ZNF704: variants seen among roughly 807,000 people sequenced by gnomAD.
The protein encoded by ZNF704 is glucocorticoid induced gene 1.
Under a neutral mutation model 44.7 loss-of-function variants are expected in ZNF704, and 10 were observed. The observed-to-expected ratio is 0.22, with a 90% CI of 0.14 to 0.38. The LOEUF is 0.38. Ranked by LOEUF, ZNF704 falls within the 10% of genes least tolerant of loss-of-function variation. The pLI is 1.00. For synonymous variants in ZNF704, 211 were observed against 207.6 expected (o/e 1.02, Z -0.14); for missense variants, 390 against 545.5 (o/e 0.71, Z 2.84).
chr8:80,823,565 G>A (rs944775857), intron 1 of ZNF704, among the ~76,000 whole-genome samples: 8 of 152,226 alleles, frequency 5.3e-5, no homozygotes, highest in Non-Finnish European at 1.0e-4. Context: ...CAGCTTTGAA[G>A]AGAGTAGTGG....
chr8:80,882,206 A>T, the ZNF704 span, among the ~76,000 whole-genome samples: 1 of 152,226 alleles, frequency 6.6e-6, no homozygotes, highest in Non-Finnish European at 1.5e-5. Flanking sequence ...CGGCTTTACG[A>T]AAGAGTTTGC....
chr8:80,804,411 C>T (rs771611226), intron 2 of ZNF704, among the ~76,000 whole-genome samples: 8 of 152,108 alleles, frequency 5.3e-5, no homozygotes, highest in Admixed American at 1.3e-4. Context: ...ATAGCAAAGA[C>T]GTGAAATCAA....
chr8:80,711,896 C>G (rs1276016605), intron 2 of ZNF704, among the ~76,000 whole-genome samples: 1 of 152,150 alleles, frequency 6.6e-6, no homozygotes, highest in Non-Finnish European at 1.5e-5. Context: ...TAGTATCTAG[C>G]AGGACAGACC....
chr8:80,639,312 A>G lies in ZNF704; in HGVS notation c.*2054T>C, dbSNP rs1479481419. Reference sequence around the variant, plus strand: ...CTGCCCATGGCTCAGGGCTTCCTGGACCAGGCCAGAGCATCATCTCGCATC... The same window carrying G: ...CTGCCCATGGCTCAGGGCTTCCTGGGCCAGGCCAGAGCATCATCTCGCATC... On this transcript the variant is annotated 3_prime_UTR_variant, in exon 9 of 9. Transcript: ENST00000327835. 1 of 152,206 alleles carries G rather than the reference A, an allele frequency of 6.6e-6. No homozygotes were observed. Among genetic ancestry groups the G allele is most frequent in the East Asian group, 1.9e-4 (1 of 5,186 alleles). The allele number at this position is 152,206 out of a possible 1,614,324, so 9.4% of individuals were successfully genotyped here. A position where few individuals can be genotyped will look rare whatever the true frequency, so the allele number is the denominator to read the frequency against.
At chr8:80,650,353 C>A (rs150459852) in intron 7 of ZNF704, among the ~76,000 whole-genome samples, 2 of 151,988 alleles carry the variant, frequency 1.3e-5, no homozygotes, top group Non-Finnish European at 2.9e-5. Flanking sequence ...AGGCTTCAGA[C>A]GATCAAACTA....
At chr8:80,748,748 G>C (rs910969151) in intron 2 of ZNF704, among the ~76,000 whole-genome samples, 3 of 151,996 alleles carry the variant, frequency 2.0e-5, no homozygotes, top group African/African-American at 7.3e-5. Context: ...GCTTAGAGTC[G>C]GAAAGACACC....
At position 80,634,636 on chromosome 8, in the gene ZNF704, C is replaced by T. The variant is rs1255064050; in HGVS notation, c.*6730G>A. 6.6e-6 allele frequency: 1 copy of T among 152,236 alleles called. No individual in the cohort carries two copies. Among genetic ancestry groups the T allele is most frequent in the Non-Finnish European group, 1.5e-5 (1 of 68,072 alleles). The allele number at this position is 152,236 out of a possible 1,614,324, so 9.4% of individuals were successfully genotyped here. A position where few individuals can be genotyped will look rare whatever the true frequency, so the allele number is the denominator to read the frequency against. On this transcript the variant is annotated 3_prime_UTR_variant, in exon 9 of 9. Coordinates refer to ENST00000327835, the MANE Select transcript of ZNF704 (RefSeq NM_001033723.3). ...CCCTGGGCCTGATTTCTGCATGGTT[C>T]TGATTGTCTAGAGCTGAGTGTGGGC...
chr8:80,845,213 C>T (rs1586070665), intron 1 of ZNF704, among the ~76,000 whole-genome samples: 1 of 152,148 alleles, frequency 6.6e-6, no homozygotes, highest in African/African-American at 2.4e-5. Context: ...TTCTGACTCC[C>T]CTAGAGGTCC....
intron 1 of ZNF704, among the ~76,000 whole-genome samples, chr8:80,830,513 G>A (rs1023573567): frequency 6.6e-6 from 1 of 152,102 alleles, no homozygotes; most frequent in Non-Finnish European, 1.5e-5. Context: ...AGAACTTTTT[G>A]GGGTGATGGA....
chr8:80,636,983 A>G lies in ZNF704; in HGVS notation c.*4383T>C, dbSNP rs1817672873. 6.6e-6 allele frequency: 1 copy of G among 152,226 alleles called. No homozygotes were observed. Among genetic ancestry groups the G allele is most frequent in the Non-Finnish European group, 1.5e-5 (1 of 68,050 alleles). 9.4% of individuals were successfully genotyped at this position (152,226 alleles called of 1,614,324 possible). ...TTGGGTAATGATAAAAAGGACCAGCAAGGCTTTGTATTCACAATTACATTC... is the reference window on the plus strand; with the variant it reads ...TTGGGTAATGATAAAAAGGACCAGCGAGGCTTTGTATTCACAATTACATTC... On this transcript the variant is annotated 3_prime_UTR_variant, in exon 9 of 9. Transcript: ENST00000327835.
At chr8:80,668,223 G>A (rs1364998734) in intron 5 of ZNF704, among the ~76,000 whole-genome samples, 1 of 152,200 alleles carries the variant, frequency 6.6e-6, no homozygotes, top group Non-Finnish European at 1.5e-5. Flanking sequence ...CAGAGGCCAC[G>A]GGTGTCCCCT....
intron 2 of ZNF704, among the ~76,000 whole-genome samples, chr8:80,789,499 C>A (rs1807668005): frequency 6.6e-6 from 1 of 152,124 alleles, no homozygotes; most frequent in South Asian, 2.1e-4. Context: ...GTAATCCCAG[C>A]ACTTTGGGAG....
chr8:80,800,774 T>C (rs908977012), intron 2 of ZNF704, among the ~76,000 whole-genome samples: 9 of 152,096 alleles, frequency 5.9e-5, no homozygotes, highest in Admixed American at 2.0e-4. Flanking sequence ...AACAACCAGC[T>C]AGCATCATGA....
At chr8:80,764,636 G>A (rs1807196441) in intron 2 of ZNF704, among the ~76,000 whole-genome samples, 1 of 152,124 alleles carries the variant, frequency 6.6e-6, no homozygotes, top group South Asian at 2.1e-4. Flanking sequence ...TTTACATTTG[G>A]AGAGTGGTTG....
intron 2 of ZNF704, among the ~76,000 whole-genome samples, chr8:80,813,345 T>C (rs1287559524): frequency 6.6e-6 from 1 of 152,234 alleles, no homozygotes; most frequent in African/African-American, 2.4e-5. Context: ...ATATTTATGA[T>C]CAGAATTCTA....
chr8:80,742,518 G>A (rs895174124), intron 2 of ZNF704, among the ~76,000 whole-genome samples: 3 of 152,152 alleles, frequency 2.0e-5, no homozygotes, highest in Admixed American at 1.3e-4. Flanking sequence ...CAAGGCCTGT[G>A]ACGTGTGCCA....
At chr8:80,762,361 G>C (rs886283409) in intron 2 of ZNF704, among the ~76,000 whole-genome samples, 2 of 152,128 alleles carry the variant, frequency 1.3e-5, no homozygotes, top group Non-Finnish European at 2.9e-5. Context: ...CACATGACTG[G>C]GGAGGCCTCA....
chr8:80,730,539 A>T (rs1010523639), intron 2 of ZNF704, among the ~76,000 whole-genome samples: 10 of 31,782 alleles, frequency 3.1e-4, no homozygotes, highest in Admixed American at 2.5e-3. Flanking sequence ...ACTACATCTT[A>T]AAAAAAAAAA....
At chr8:80,802,041 A>C (rs1807910091) in intron 2 of ZNF704, among the ~76,000 whole-genome samples, 1 of 152,052 alleles carries the variant, frequency 6.6e-6, no homozygotes, top group South Asian at 2.1e-4. Context: ...AGAAGACCAT[A>C]AACACCTCTA....
Sources: gnomAD v4.1 joint callset for allele counts (sites outside exome capture counted in the v4.1 genomes callset) on GRCh38, gnomAD v4.1.1 for gene constraint, MANE v1.5 for transcripts, NCBI Gene and HGNC (gene_info 2026-07-23, HGNC 2026-07-21) for gene names.